ULK4: variants seen among roughly 807,000 people sequenced by gnomAD.
The protein encoded by ULK4 is inactive serine/threonine-protein kinase ULK4.
A neutral mutation model predicts 160.6 loss-of-function variants in ULK4; 133 were observed. That is an observed-to-expected ratio of 0.83 (90% CI 0.72 to 0.96). ULK4 has a LOEUF of 0.96. Ranked by LOEUF, ULK4 falls within the 40% of genes least tolerant of loss-of-function variation. The pLI is 0.00. For synonymous variants in ULK4, 534 were observed against 539.8 expected, an observed-to-expected ratio of 0.99 and a Z score of 0.15; for missense variants, 1,580 against 1,499.5, an observed-to-expected ratio of 1.05 and a Z score of -0.89.
intron 27 of ULK4, among the ~76,000 whole-genome samples, chr3:41,692,101 A>G (rs2036323391): frequency 6.6e-6 from 1 of 150,850 alleles, no homozygotes. Context: ...ACAGGCGCCC[A>G]CCACCGCCCC....
intron 30 of ULK4, among the ~76,000 whole-genome samples, chr3:41,654,154 A>T (rs571779676): frequency 1.4e-4 from 22 of 152,334 alleles, no homozygotes; most frequent in African/African-American, 4.8e-4. Context: ...ACAAATCAAG[A>T]AATCCATTGC....
At chr3:41,839,949 T>C (rs2041863532) in intron 17 of ULK4, among the ~76,000 whole-genome samples, 1 of 152,142 alleles carries the variant, frequency 6.6e-6, no homozygotes, top group South Asian at 2.1e-4. Context: ...AATGGAGTAA[T>C]AGACTATGTT....
chr3:41,692,202 C>T (rs909039468), intron 27 of ULK4, among the ~76,000 whole-genome samples: 1 of 151,670 alleles, frequency 6.6e-6, no homozygotes, highest in Non-Finnish European at 1.5e-5. Flanking sequence ...CTGCCCGCCT[C>T]GGCCTCCCAA....
At chr3:41,889,581 T>C (rs1697843255) in intron 16 of ULK4, among the ~76,000 whole-genome samples, 1 of 152,068 alleles carries the variant, frequency 6.6e-6, no homozygotes, top group African/African-American at 2.4e-5. Context: ...CAATAACAAT[T>C]GGTACTTACT....
chr3:41,789,295 G>A (rs943210245), intron 21 of ULK4, among the ~76,000 whole-genome samples: 1 of 152,128 alleles, frequency 6.6e-6, no homozygotes, highest in African/African-American at 2.4e-5. Context: ...GTCAGAGCAA[G>A]CAGAAAAATA....
intron 18 of ULK4, among the ~76,000 whole-genome samples, chr3:41,824,796 C>T (rs932770494): frequency 6.6e-6 from 1 of 152,316 alleles, no homozygotes; most frequent in African/African-American, 2.4e-5. Context: ...ATGTCCCTGT[C>T]TGCCAGCTTT....
At chr3:41,535,920 C>G (rs2086482893) in intron 32 of ULK4, among the ~76,000 whole-genome samples, 1 of 152,186 alleles carries the variant, frequency 6.6e-6, no homozygotes, top group African/African-American at 2.4e-5. Flanking sequence ...GATTCACAGT[C>G]TGAACATCCT....
chr3:41,353,154 G>A (rs757072102), intron 35 of ULK4, among the ~76,000 whole-genome samples: 33 of 152,094 alleles, frequency 2.2e-4, no homozygotes, highest in Non-Finnish European at 3.8e-4. Context: ...GTTAAGCTTT[G>A]GTACCCGTTG....
chr3:41,636,905 G>A (rs959886997), intron 30 of ULK4, among the ~76,000 whole-genome samples: 3 of 152,024 alleles, frequency 2.0e-5, no homozygotes, highest in Non-Finnish European at 2.9e-5. Context: ...AATATATACC[G>A]ACAGTGTGCT....
intron 30 of ULK4, among the ~76,000 whole-genome samples, chr3:41,636,844 C>A (rs1330229733): frequency 6.8e-6 from 1 of 147,526 alleles, no homozygotes; most frequent in Non-Finnish European, 1.5e-5. Context: ...TTGTGAATAT[C>A]TTTTACTATT....
At position 41,296,301 on chromosome 3, in the gene ULK4, C is replaced by T. The variant is rs571041376; in HGVS notation, c.3679-46727G>A. 1.1e-4 allele frequency among the ~76,000 whole-genome samples: 16 copies of T among 152,200 alleles called. No individual in the cohort carries two copies. In the South Asian group the frequency reaches 1.2e-3, roughly 12 times the overall value. ...AAAATTAAGTTTCTAATTAAAAATACGTACCTCGGTTTGAAAGAAAAGAAA... is the reference window on the plus strand; with the variant it reads ...AAAATTAAGTTTCTAATTAAAAATATGTACCTCGGTTTGAAAGAAAAGAAA... On this transcript the variant is annotated intron_variant, in intron 35 of 36. Coordinates refer to ENST00000301831, the MANE Select transcript of ULK4 (RefSeq NM_017886.4).
chr3:41,746,762 C>T (rs2038436413), intron 22 of ULK4, among the ~76,000 whole-genome samples: 1 of 151,864 alleles, frequency 6.6e-6, no homozygotes, highest in Non-Finnish European at 1.5e-5. Flanking sequence ...ATCTTAATTA[C>T]AGTAATCAAG....
intron 31 of ULK4, among the ~76,000 whole-genome samples, chr3:41,568,749 G>A (rs540168575): frequency 6.6e-6 from 1 of 152,082 alleles, no homozygotes; most frequent in Non-Finnish European, 1.5e-5. Context: ...GCAAGCAATC[G>A]ATTCTGCAGC....
At chr3:41,943,660 T>C (rs7636004) in intron 2 of ULK4, among the ~76,000 whole-genome samples, 1,915 of 152,216 alleles carry the variant, frequency 0.013, 39 homozygotes, top group African/African-American at 0.044. Context: ...TCAGGGAAGA[T>C]AGAACCAAAC....
chr3:41,454,975 T>G (rs978053745), intron 34 of ULK4, among the ~76,000 whole-genome samples: 3 of 152,250 alleles, frequency 2.0e-5, no homozygotes, highest in African/African-American at 7.2e-5. Flanking sequence ...AGGCTAAAAC[T>G]GTTTAATACG....
chr3:41,637,678 TTCTCCACACC>T (rs758139953), intron 30 of ULK4, among the ~76,000 whole-genome samples: 6 of 152,226 alleles, frequency 3.9e-5, no homozygotes, highest in Non-Finnish European at 8.8e-5. Flanking sequence ...GAGTTCCCTT[TTCTCCACACC>T]TTCTCCAATC....
chr3:41,713,596 T>C (rs1043107638), intron 25 of ULK4, among the ~76,000 whole-genome samples: 1 of 152,214 alleles, frequency 6.6e-6, no homozygotes, highest in Non-Finnish European at 1.5e-5. Flanking sequence ...CTTCCTCTAA[T>C]TGGGTGATAC....
At chr3:41,386,118 G>A (rs920768751) in intron 35 of ULK4, among the ~76,000 whole-genome samples, 3 of 152,074 alleles carry the variant, frequency 2.0e-5, no homozygotes, top group Admixed American at 6.6e-5. Flanking sequence ...GCACTTCCAC[G>A]TTTGGCTCAA....
intron 35 of ULK4, among the ~76,000 whole-genome samples, chr3:41,289,850 TGTATGTAC>T (rs1194534444): frequency 1.0e-4 from 10 of 96,106 alleles, no homozygotes; most frequent in Non-Finnish European, 1.5e-4. Context: ...TATGTATGTA[TGTATGTAC>T]GTATGTATGT....
Sources: allele counts gnomAD v4.1 joint callset (sites outside exome capture counted in the v4.1 genomes callset), GRCh38; gene constraint gnomAD v4.1.1; transcripts MANE v1.5; gene names NCBI Gene and HGNC (gene_info 2026-07-23, HGNC 2026-07-21).